Variants in REC114 observed in about 807,000 individuals in gnomAD.
The protein encoded by REC114 is meiotic recombination protein REC114.
In REC114, 27 loss-of-function variants were observed where a neutral mutation model predicts 31.3. That is an observed-to-expected ratio of 0.86 (90% CI 0.64 to 1.19). The LOEUF (loss-of-function observed/expected upper bound fraction) is 1.19. Among genes scored for constraint, REC114 ranks in the 50% most tolerant of loss-of-function variants. The pLI, the probability that REC114 is intolerant of heterozygous loss-of-function variation, is 0.00. For missense variants in REC114, 344 were observed against 326.9 expected, an observed-to-expected ratio of 1.05 and a Z score of -0.40; for synonymous variants, 134 against 127.7, an observed-to-expected ratio of 1.05 and a Z score of -0.33.
chr15:73,494,424 GGAGGTT>G (rs1238489273), intron 2 of REC114, among the ~76,000 whole-genome samples: 1 of 151,274 alleles, frequency 6.6e-6, no homozygotes, highest in African/African-American at 2.4e-5. Context: ...CCTGGGAGGT[GGAGGTT>G]GCAGTGAGCC....
chr15:73,462,244 A>G (rs1892999416), intron 1 of REC114, among the ~76,000 whole-genome samples: 1 of 151,792 alleles, frequency 6.6e-6, no homozygotes, highest in Non-Finnish European at 1.5e-5. Flanking sequence ...TTTTTCTTTA[A>G]GCTTTCCATA....
At chr15:73,449,934 A>C (rs569473121) in intron 1 of REC114, among the ~76,000 whole-genome samples, 1 of 152,364 alleles carries the variant, frequency 6.6e-6, no homozygotes, top group Admixed American at 6.5e-5. Flanking sequence ...AATCCTTTAC[A>C]GACAAGCAAA....
At chr15:73,505,533 C>CT (rs564162008) in intron 2 of REC114, among the ~76,000 whole-genome samples, 34 of 147,984 alleles carry the variant, frequency 2.3e-4, no homozygotes, top group Middle Eastern at 3.5e-3. Context: ...CTTCTCCTTC[C>CT]TTTTTTTTTT....
At chr15:73,557,316 C>G (rs1414765231) in intron 5 of REC114, among the ~76,000 whole-genome samples, 1 of 151,386 alleles carries the variant, frequency 6.6e-6, no homozygotes, top group Non-Finnish European at 1.5e-5. Flanking sequence ...GTGATTCCCC[C>G]ACCTTGGGCT....
Position 73,556,378 on chromosome 15 carries a change from C to T in REC114, c.623C>T (p.Thr208Met), listed in dbSNP as rs762071708. The T allele has an allele frequency of 5.9e-5, 96 of 1,613,528 alleles. 1 individual carries two copies. In the Admixed American group the frequency reaches 9.2e-4, roughly 15 times the overall value. Residue 208 changes from threonine to methionine, a missense_variant, in exon 5 of 6, where the codon ACG (threonine) becomes ATG (methionine). Coordinates refer to ENST00000331090, the MANE Select transcript of REC114 (RefSeq NM_001042367.2). Reference sequence around the variant, plus strand: ...GCTCCAGACGGAAGGACCTCACTGACGCAGTTAGCTCAGGTAGAGCTTATT... The same window carrying T: ...GCTCCAGACGGAAGGACCTCACTGATGCAGTTAGCTCAGGTAGAGCTTATT... ...TGAPDGRTSL[T>M]QLAQTLLASE...
chr15:73,468,674 T>A (rs1187041483), intron 1 of REC114, among the ~76,000 whole-genome samples: 1 of 147,678 alleles, frequency 6.8e-6, no homozygotes, highest in Non-Finnish European at 1.5e-5. Context: ...TGAAGTTAGC[T>A]GTAGTTTTTT....
intron 2 of REC114, among the ~76,000 whole-genome samples, chr15:73,486,140 C>A (rs1893361425): frequency 1.3e-5 from 2 of 152,150 alleles, no homozygotes; most frequent in South Asian, 4.1e-4. Context: ...GCTCTGTCAC[C>A]AGGCTGAAGT....
At chr15:73,520,638 A>G (rs1893925199) in intron 2 of REC114, among the ~76,000 whole-genome samples, 1 of 152,052 alleles carries the variant, frequency 6.6e-6, no homozygotes, top group Non-Finnish European at 1.5e-5. Flanking sequence ...TCCCTGCCCC[A>G]TTTTGCCCTG....
chr15:73,552,639 T>C (rs922190898), intron 4 of REC114, among the ~76,000 whole-genome samples: 5 of 152,232 alleles, frequency 3.3e-5, no homozygotes, highest in Non-Finnish European at 5.9e-5. Flanking sequence ...TGCATTTCTT[T>C]GGCAGTTTCA....
chr15:73,467,668 C>A (rs915769132), intron 1 of REC114, among the ~76,000 whole-genome samples: 31 of 152,138 alleles, frequency 2.0e-4, no homozygotes, highest in Admixed American at 9.2e-4. Context: ...TGGACTCTTG[C>A]ATTTCTTGAA....
chr15:73,536,605 C>G (rs1230567882), intron 2 of REC114, among the ~76,000 whole-genome samples: 4 of 152,058 alleles, frequency 2.6e-5, no homozygotes, highest in Non-Finnish European at 2.9e-5. Flanking sequence ...GATGGATAAG[C>G]CTTAAAAGAG....
intron 2 of REC114, among the ~76,000 whole-genome samples, chr15:73,514,627 A>T (rs1157394923): frequency 6.6e-6 from 1 of 152,228 alleles, no homozygotes; most frequent in African/African-American, 2.4e-5. Context: ...GGCAACATTA[A>T]AGTAATGGTT....
chr15:73,543,464 G>A (rs1182323178), intron 3 of REC114, among the ~76,000 whole-genome samples: 1 of 152,014 alleles, frequency 6.6e-6, no homozygotes, highest in Non-Finnish European at 1.5e-5. Context: ...TGAGTAGCTG[G>A]GATTACAGGC....
intron 2 of REC114, among the ~76,000 whole-genome samples, chr15:73,493,682 C>CT (rs1893476757): frequency 6.6e-6 from 1 of 152,106 alleles, no homozygotes; most frequent in Non-Finnish European, 1.5e-5. Context: ...GTTCATTGAT[C>CT]TAGAAGCCTG....
At chr15:73,514,924 CT>C (rs1567882876) in intron 2 of REC114, among the ~76,000 whole-genome samples, 1 of 147,610 alleles carries the variant, frequency 6.8e-6, no homozygotes, top group East Asian at 2.0e-4. Context: ...GCCTTTAACA[CT>C]CTGATTTTTT....
At chr15:73,461,206 T>C (rs1325314134) in intron 1 of REC114, among the ~76,000 whole-genome samples, 1 of 152,136 alleles carries the variant, frequency 6.6e-6, no homozygotes, top group Non-Finnish European at 1.5e-5. Flanking sequence ...ATGCTGAATT[T>C]TATTGTCTGG....
At chr15:73,537,863 A>G (rs1345559176) in intron 2 of REC114, among the ~76,000 whole-genome samples, 2 of 152,176 alleles carry the variant, frequency 1.3e-5, no homozygotes, top group Non-Finnish European at 2.9e-5. Flanking sequence ...TAATATTTTT[A>G]TTAGCCTCTT....
chr15:73,450,059 T>C (rs1472008571), intron 1 of REC114, among the ~76,000 whole-genome samples: 1 of 152,170 alleles, frequency 6.6e-6, no homozygotes, highest in African/African-American at 2.4e-5. Flanking sequence ...AGACCATCGA[T>C]GCTATGAAGA....
At chr15:73,544,169 A>T (rs1013933596) in intron 3 of REC114, among the ~76,000 whole-genome samples, 7 of 151,984 alleles carry the variant, frequency 4.6e-5, no homozygotes, top group African/African-American at 1.7e-4. Context: ...AGTTTATTTA[A>T]TACCTTTATC....
Sources: allele counts gnomAD v4.1 joint callset (sites outside exome capture counted in the v4.1 genomes callset), GRCh38; gene constraint gnomAD v4.1.1; transcripts MANE v1.5; gene names NCBI Gene and HGNC (gene_info 2026-07-23, HGNC 2026-07-21).